Variants in CSMD1 observed in about 807,000 individuals in gnomAD.
CSMD1 encodes the protein CUB and sushi domain-containing protein 1.
A neutral mutation model predicts 417.5 loss-of-function variants in CSMD1; 213 were observed. The ratio of observed to expected loss-of-function variants is 0.51; its 90% CI spans 0.46 to 0.57. The LOEUF is 0.57. Ranked by LOEUF, CSMD1 falls within the 20% of genes least tolerant of loss-of-function variation. CSMD1 has a pLI of 0.00. For synonymous variants in CSMD1, 2,862 were observed against 1,736.8 expected (o/e 1.65, Z -16.11); for missense variants, 6,923 against 4,529.7 (o/e 1.53, Z -15.17).
At chr8:3,927,144 G>C (rs990288815) in intron 5 of CSMD1, among the ~76,000 whole-genome samples, 1 of 151,558 alleles carries the variant, frequency 6.6e-6, no homozygotes, top group Non-Finnish European at 1.5e-5. Flanking sequence ...ATAAATAAAA[G>C]ATAGGGTTGT....
At chr8:3,857,657 T>C (rs1394932607) in intron 5 of CSMD1, among the ~76,000 whole-genome samples, 2 of 152,164 alleles carry the variant, frequency 1.3e-5, no homozygotes, top group Non-Finnish European at 2.9e-5. Flanking sequence ...ATGGTCCGAA[T>C]GAGTGGAATT....
chr8:3,849,096 AC>A (rs1328531593), intron 5 of CSMD1, among the ~76,000 whole-genome samples: 1 of 152,178 alleles, frequency 6.6e-6, no homozygotes, highest in Non-Finnish European at 1.5e-5. Flanking sequence ...TTGAAGGGAT[AC>A]TTTTGTAACA....
intron 3 of CSMD1, among the ~76,000 whole-genome samples, chr8:4,109,856 G>C (rs1488635382): frequency 1.3e-5 from 2 of 152,120 alleles, no homozygotes; most frequent in Admixed American, 6.5e-5. Flanking sequence ...ATAAGGGAGA[G>C]GTCCAAGACA....
At chr8:4,909,949 G>C (rs111553656) in intron 1 of CSMD1, among the ~76,000 whole-genome samples, 1 of 152,094 alleles carries the variant, frequency 6.6e-6, no homozygotes, top group East Asian at 1.9e-4. Flanking sequence ...TGAAACTGAA[G>C]TCTTGTGGAT....
At chr8:3,739,838 A>G (rs1294905600) in intron 6 of CSMD1, among the ~76,000 whole-genome samples, 1 of 152,210 alleles carries the variant, frequency 6.6e-6, no homozygotes, top group South Asian at 2.1e-4. Context: ...CAGACATTTT[A>G]CATTTGGGAC....
chr8:3,849,303 C>G (rs1391080613), intron 5 of CSMD1, among the ~76,000 whole-genome samples: 5 of 152,156 alleles, frequency 3.3e-5, no homozygotes, highest in Admixed American at 1.3e-4. Flanking sequence ...ACAGGGCGGA[C>G]TGGGAAGGAA....
chr8:3,950,556 C>T (rs59520913), intron 5 of CSMD1, among the ~76,000 whole-genome samples: 11,170 of 152,280 alleles, frequency 0.073, 1,343 homozygotes, highest in African/African-American at 0.25. Context: ...TCAATACAAG[C>T]GTTCCGCTTG....
intron 5 of CSMD1, among the ~76,000 whole-genome samples, chr8:3,822,494 C>G (rs1283933802): frequency 1.3e-5 from 2 of 152,192 alleles, no homozygotes; most frequent in Non-Finnish European, 2.9e-5. Flanking sequence ...TAGACAAGAG[C>G]TGCTAGGTAC....
intron 2 of CSMD1, among the ~76,000 whole-genome samples, chr8:4,598,469 G>A (rs1360800491): frequency 1.3e-5 from 2 of 152,148 alleles, no homozygotes; most frequent in Non-Finnish European, 2.9e-5. Context: ...TATTAGTGAT[G>A]GTGGCTGATG....
intron 3 of CSMD1, among the ~76,000 whole-genome samples, chr8:4,114,385 G>A (rs1162296275): frequency 6.6e-6 from 1 of 152,000 alleles, no homozygotes; most frequent in Non-Finnish European, 1.5e-5. Flanking sequence ...CTACTGCTAG[G>A]AAAAAAAGAT....
intron 2 of CSMD1, among the ~76,000 whole-genome samples, chr8:4,452,384 T>C (rs551074360): frequency 2.0e-5 from 3 of 152,318 alleles, no homozygotes; most frequent in Non-Finnish European, 4.4e-5. Flanking sequence ...AGGCGTAGCC[T>C]CGAGGGCTTG....
intron 1 of CSMD1, among the ~76,000 whole-genome samples, chr8:4,814,143 G>A (rs889931672): frequency 5.9e-5 from 9 of 152,106 alleles, no homozygotes; most frequent in Non-Finnish European, 8.8e-5. Context: ...AATATATAAC[G>A]AATTCCGTGA....
At chr8:3,987,628 T>G (rs1046507365) in intron 5 of CSMD1, among the ~76,000 whole-genome samples, 1 of 152,126 alleles carries the variant, frequency 6.6e-6, no homozygotes, top group African/African-American at 2.4e-5. Context: ...CTGTGAAGGA[T>G]GAGTAGGGCT....
At chr8:3,599,137 G>C (rs1207045500) in intron 8 of CSMD1, among the ~76,000 whole-genome samples, 1 of 135,560 alleles carries the variant, frequency 7.4e-6, no homozygotes, top group Non-Finnish European at 1.5e-5. Flanking sequence ...GTGTGTGTGT[G>C]TGTGTGTGTG....
intron 1 of CSMD1, among the ~76,000 whole-genome samples, chr8:4,802,159 A>T (rs1230399663): frequency 3.9e-5 from 6 of 152,204 alleles, no homozygotes; most frequent in African/African-American, 1.2e-4. Flanking sequence ...AATTGCACAA[A>T]GGAACTCATT....
At chr8:4,970,866 A>T (rs1299098255) in intron 1 of CSMD1, among the ~76,000 whole-genome samples, 2 of 152,068 alleles carry the variant, frequency 1.3e-5, no homozygotes, top group Admixed American at 6.6e-5. Flanking sequence ...AAATTTTTTC[A>T]GTATTTTATT....
intron 5 of CSMD1, among the ~76,000 whole-genome samples, chr8:3,854,831 A>G (rs1804182198): frequency 6.6e-6 from 1 of 152,218 alleles, no homozygotes; most frequent in African/African-American, 2.4e-5. Context: ...AAACATAACA[A>G]AAACAGGGAA....
intron 1 of CSMD1, among the ~76,000 whole-genome samples, chr8:4,830,801 T>A (rs1022123082): frequency 6.6e-6 from 1 of 152,070 alleles, no homozygotes; most frequent in Admixed American, 6.6e-5. Context: ...CAGCCTACTG[T>A]GAGGTTAATG....
chr8:4,478,407 G>A (rs367915645), intron 2 of CSMD1, among the ~76,000 whole-genome samples: 1 of 152,102 alleles, frequency 6.6e-6, no homozygotes, highest in African/African-American at 2.4e-5. Flanking sequence ...GAAATACTTT[G>A]TAAAGTTATA....
Sources: gnomAD v4.1 joint callset for allele counts (sites outside exome capture counted in the v4.1 genomes callset) on GRCh38, gnomAD v4.1.1 for gene constraint, MANE v1.5 for transcripts, NCBI Gene and HGNC (gene_info 2026-07-23, HGNC 2026-07-21) for gene names.